SDC3: variants seen among roughly 807,000 people sequenced by gnomAD.
SDC3 encodes the protein syndecan 3.
SDC3 carries 13 observed loss-of-function variants against 24.4 expected under a neutral mutation model. That is an observed-to-expected ratio of 0.53 (90% CI 0.35 to 0.85). The LOEUF is 0.85. Among genes scored for constraint, SDC3 ranks in the 40% least tolerant of loss-of-function variants. SDC3 has a pLI of 0.01. For missense variants in SDC3, 571 were observed against 584.5 expected (o/e 0.98, Z 0.24); for synonymous variants, 295 against 260.9 (o/e 1.13, Z -1.26).
Position 30,908,576 on chromosome 1 carries a change from C to T in SDC3, c.11G>A (p.Gly4Glu). 1 of 976,234 alleles carries T rather than the reference C, an allele frequency of 1.0e-6. No homozygotes were observed. Among genetic ancestry groups the T allele is most frequent in the Non-Finnish European group, 1.2e-6 (1 of 826,004 alleles). The allele number at this position is 976,234 out of a possible 1,614,324, so 60.5% of individuals were successfully genotyped here. Residue 4 changes from glycine (G) to glutamate (E), a missense_variant, in exon 1 of 5, where the codon GGG (glycine) becomes GAG (glutamate). Transcript: ENST00000339394. MKP[G>E]PPHRAGAAHG... ...GGCGGCCCCGGCACGGTGCGGCGGCCCCGGCTTCATGGCGGCGGCGCGGGC... is the reference window on the plus strand; with the variant it reads ...GGCGGCCCCGGCACGGTGCGGCGGCTCCGGCTTCATGGCGGCGGCGCGGGC...
Position 30,882,683 on chromosome 1 carries a change from G to A in SDC3, c.139-3943C>T, listed in dbSNP as rs142720823. ...CACTCACTCTGAGTGCAGGGGACAC[G>A]TTCAGGAAGGCCAGTGCATCCCTCC... On this transcript the variant is annotated intron_variant, in intron 1 of 4. Coordinates refer to ENST00000339394, the MANE Select transcript of SDC3 (RefSeq NM_014654.4). Among the ~76,000 whole-genome samples the A allele has an allele frequency of 1.8e-3, 278 of 152,186 alleles. 2 individuals carry two copies. Among genetic ancestry groups the A allele is most frequent in the Admixed American group, 0.014 (220 of 15,286 alleles).
At chr1:30,894,346 G>T (rs1368390247) in intron 1 of SDC3, among the ~76,000 whole-genome samples, 3 of 116,494 alleles carry the variant, frequency 2.6e-5, no homozygotes, top group Non-Finnish European at 5.5e-5. Context: ...TGTGGGGTGT[G>T]TGGATGAGTG....
chr1:30,894,012 C>T (rs1259460663), intron 1 of SDC3, among the ~76,000 whole-genome samples: 1 of 152,152 alleles, frequency 6.6e-6, no homozygotes, highest in African/African-American at 2.4e-5. Context: ...CCTTAATCAC[C>T]TCTAACGAGG....
At chr1:30,894,192 CGTGT>C (rs1431385585) in intron 1 of SDC3, among the ~76,000 whole-genome samples, 1 of 143,976 alleles carries the variant, frequency 6.9e-6, no homozygotes, top group African/African-American at 2.6e-5. Flanking sequence ...GGTAAGAGTG[CGTGT>C]GTGTGCATGA....
intron 1 of SDC3, among the ~76,000 whole-genome samples, chr1:30,892,396 G>A (rs1201126087): frequency 6.6e-6 from 1 of 152,026 alleles, no homozygotes; most frequent in African/African-American, 2.4e-5. Flanking sequence ...GCTCCACCAG[G>A]GCAAGGTTGC....
At chr1:30,902,302 G>C (rs1448818076) in intron 1 of SDC3, among the ~76,000 whole-genome samples, 1 of 152,340 alleles carries the variant, frequency 6.6e-6, no homozygotes, top group Non-Finnish European at 1.5e-5. Context: ...GGCTCCCCCT[G>C]TAATCACGGC....
chr1:30,903,817 G>A (rs1351556893), intron 1 of SDC3, among the ~76,000 whole-genome samples: 1 of 152,152 alleles, frequency 6.6e-6, no homozygotes, highest in Non-Finnish European at 1.5e-5. Flanking sequence ...TAGGACTGCA[G>A]CCCAGTCCCA....
At chr1:30,878,979 T>A (rs1308396305) in intron 1 of SDC3, 1 of 505,368 alleles carries the variant, frequency 2.0e-6, no homozygotes. Context: ...GACTTTCTCT[T>A]AGAAACTGGT....
intron 1 of SDC3, chr1:30,880,040 T>G (rs1279684185): frequency 1.3e-5 from 2 of 152,474 alleles, no homozygotes; most frequent in African/African-American, 4.8e-5. Context: ...GCCACTCACA[T>G]GGGGCAGGAG....
intron 1 of SDC3, among the ~76,000 whole-genome samples, chr1:30,904,823 C>A (rs1215894735): frequency 1.3e-5 from 2 of 152,160 alleles, no homozygotes; most frequent in Non-Finnish European, 2.9e-5. Context: ...TGCTCCCTCC[C>A]AGAAAGGTCC....
Position 30,869,539 on chromosome 1 carries a change from A to G in SDC3, c.*3672T>C, listed in dbSNP as rs1421954359. 4 of 296,572 alleles carry G rather than the reference A, an allele frequency of 1.3e-5. No homozygotes were observed. The highest frequency in any genetic ancestry group is 1.3e-4 in the African/African-American group (4 of 30,878). The allele number at this position is 296,572 out of a possible 1,614,324, so 18.4% of individuals were successfully genotyped here. The stretch of plus-strand genomic sequence containing the variant: ...AAGTGTTAAAAAAACAAACAAACAA[A>G]AAAAAAAAAAAAAAAAAAAAAACAA... On this transcript the variant is annotated 3_prime_UTR_variant, in exon 5 of 5. Coordinates refer to ENST00000339394, the MANE Select transcript of SDC3 (RefSeq NM_014654.4).
At chr1:30,900,668 G>A (rs1459816515) in intron 1 of SDC3, among the ~76,000 whole-genome samples, 4 of 152,148 alleles carry the variant, frequency 2.6e-5, no homozygotes, top group African/African-American at 4.8e-5. Flanking sequence ...CCAGGGAGGG[G>A]GACAGGTCTA....
chr1:30,896,443 G>T (rs72657259), intron 1 of SDC3, among the ~76,000 whole-genome samples: 2,166 of 152,182 alleles, frequency 0.014, 20 homozygotes, highest in Middle Eastern at 0.051. Flanking sequence ...GAAGAGGGAG[G>T]CAGGAGTGAG....
rs747287231 is a variant in SDC3 at position 30,870,019 on chromosome 1, C to G, written c.*3192G>C. 2.5e-6 allele frequency: 1 copy of G among 397,530 alleles called. No homozygotes were observed. Among genetic ancestry groups the G allele is most frequent in the African/African-American group, 2.1e-5 (1 of 48,614 alleles). The allele number at this position is 397,530 out of a possible 1,614,324, so 24.6% of individuals were successfully genotyped here. On this transcript the variant is annotated 3_prime_UTR_variant, in exon 5 of 5. Transcript: ENST00000339394. ...TGTACAGTTTGCGGGCTTCTATTTA[C>G]AGGCAAGAGGCCTGGGGAGGCAAGT...
chr1:30,899,786 C>A (rs781455972), intron 1 of SDC3, among the ~76,000 whole-genome samples: 11 of 152,180 alleles, frequency 7.2e-5, no homozygotes, highest in Non-Finnish European at 1.2e-4. Context: ...AGCACATGCA[C>A]CTGCCACCAG....
chr1:30,898,180 A>AC (rs1176495045), intron 1 of SDC3, among the ~76,000 whole-genome samples: 3 of 151,832 alleles, frequency 2.0e-5, no homozygotes, highest in Non-Finnish European at 4.4e-5. Flanking sequence ...TACAGCAGTG[A>AC]CCCCTCGCCG....
In SDC3 at chr1:30,870,193, C is replaced by A; in HGVS notation, c.*3018G>T. ...TTTGCCAACCCCAGGGGGGTTTGGC[C>A]CACACACCCTAAGCCCTGCCCAGCC... On this transcript the variant is annotated 3_prime_UTR_variant, in exon 5 of 5. Transcript: ENST00000339394. 3.1e-6 allele frequency: 1 copy of A among 326,270 alleles called. No homozygotes were observed. Among genetic ancestry groups the A allele is most frequent in the Non-Finnish European group, 5.5e-6 (1 of 180,900 alleles). 20.2% of individuals were successfully genotyped at this position (326,270 alleles called of 1,614,324 possible). A position where few individuals can be genotyped will look rare whatever the true frequency, so the allele number is the denominator to read the frequency against.
Position 30,908,681 on chromosome 1 carries a change from G to T in SDC3, c.-95C>A. On this transcript the variant is annotated 5_prime_UTR_variant, in exon 1 of 5. Transcript: ENST00000339394. ...CGGCTGCTTGGCGGCGGCGCGGCCCGGCGGCTGGACCGACGCGCTCTAGGC... is the reference window on the plus strand; with the variant it reads ...CGGCTGCTTGGCGGCGGCGCGGCCCTGCGGCTGGACCGACGCGCTCTAGGC... 1 of 408,196 alleles carries T rather than the reference G, an allele frequency of 2.4e-6. No individual in the cohort carries two copies. Among genetic ancestry groups the T allele is most frequent in the South Asian group, 1.0e-4 (1 of 9,828 alleles). 25.3% of individuals were successfully genotyped at this position (408,196 alleles called of 1,614,324 possible).
intron 1 of SDC3, among the ~76,000 whole-genome samples, chr1:30,897,862 T>C (rs1482375174): frequency 2.6e-5 from 4 of 152,196 alleles, no homozygotes; most frequent in Non-Finnish European, 4.4e-5. Flanking sequence ...GATGAAACAT[T>C]TGGCCGAGTG....
Sources: gnomAD v4.1 joint callset for allele counts (sites outside exome capture counted in the v4.1 genomes callset) on GRCh38, gnomAD v4.1.1 for gene constraint, MANE v1.5 for transcripts, NCBI Gene and HGNC (gene_info 2026-07-23, HGNC 2026-07-21) for gene names.